The following GAREM1 variants were observed in gnomAD, a reference collection of about 807,000 sequenced individuals.
The protein encoded by GAREM1 is GRB2-associated and regulator of MAPK protein 1.
Under a neutral mutation model 71.3 loss-of-function variants are expected in GAREM1, and 26 were observed. The ratio of observed to expected loss-of-function variants is 0.36; its 90% CI spans 0.27 to 0.51. GAREM1 has a LOEUF of 0.51. Among genes scored for constraint, GAREM1 ranks in the 20% least tolerant of loss-of-function variants. The pLI is 0.95. For synonymous variants in GAREM1, 440 were observed against 433.2 expected, an observed-to-expected ratio of 1.02 and a Z score of -0.20; for missense variants, 1,026 against 1,103.1, an observed-to-expected ratio of 0.93 and a Z score of 0.99.
At chr18:32,311,224 T>C (rs2047318739) in intron 2 of GAREM1, among the ~76,000 whole-genome samples, 1 of 152,254 alleles carries the variant, frequency 6.6e-6, no homozygotes, top group African/African-American at 2.4e-5. Flanking sequence ...AGGGATACAG[T>C]GTTTCTTAGT....
intron 3 of GAREM1, among the ~76,000 whole-genome samples, chr18:32,294,622 T>C (rs2047122229): frequency 1.3e-5 from 2 of 152,212 alleles, no homozygotes; most frequent in African/African-American, 4.8e-5. Context: ...TTTATTTCCC[T>C]TATTAGTATT....
At chr18:32,404,034 T>C (rs1206854392) in intron 1 of GAREM1, among the ~76,000 whole-genome samples, 1 of 152,220 alleles carries the variant, frequency 6.6e-6, no homozygotes, top group Non-Finnish European at 1.5e-5. Context: ...TTAGTCTTTA[T>C]TTAGAATATT....
In GAREM1 at chr18:32,457,220, A is replaced by AGT. The variant is rs1568018906; in HGVS notation, c.121+13087_121+13088insAC. Among the ~76,000 whole-genome samples the AGT allele has an allele frequency of 8.2e-5, 9 of 109,398 alleles. No individual in the cohort carries two copies. The South Asian group carries it at 1.0e-3, about 12-fold the overall frequency. The allele number at this position is 109,398 out of a possible 152,430, so 71.8% of individuals were successfully genotyped here. On this transcript the variant is annotated intron_variant, in intron 1 of 5. Transcript: ENST00000269209. ...TGTGTAGGGGGGGAGAGAGAGAGAG[A>AGT]GAGAGAGTGTGTGTGTGTGTGTGTG...
At chr18:32,359,872 G>A (rs1436641233) in intron 2 of GAREM1, among the ~76,000 whole-genome samples, 2 of 152,010 alleles carry the variant, frequency 1.3e-5, no homozygotes, top group Non-Finnish European at 2.9e-5. Flanking sequence ...GCTGCAGTGA[G>A]CTGTGATTGC....
intron 1 of GAREM1, among the ~76,000 whole-genome samples, chr18:32,417,681 T>C (rs2144692313): frequency 6.6e-6 from 1 of 151,986 alleles, no homozygotes; most frequent in East Asian, 1.9e-4. Context: ...AACAACTGAA[T>C]TCATGAAGAC....
intron 2 of GAREM1, among the ~76,000 whole-genome samples, chr18:32,387,634 T>C (rs764285387): frequency 6.6e-6 from 1 of 152,228 alleles, no homozygotes; most frequent in Admixed American, 6.5e-5. Flanking sequence ...TTATTTGGTA[T>C]ACCAAGAAAA....
At chr18:32,387,995 C>T (rs2048164400) in intron 2 of GAREM1, among the ~76,000 whole-genome samples, 1 of 152,072 alleles carries the variant, frequency 6.6e-6, no homozygotes, top group African/African-American at 2.4e-5. Flanking sequence ...GTAAGGGGTA[C>T]TACTTGGAAT....
chr18:32,433,947 T>C (rs773990221), intron 1 of GAREM1, among the ~76,000 whole-genome samples: 6 of 152,104 alleles, frequency 3.9e-5, no homozygotes, highest in Non-Finnish European at 7.4e-5. Context: ...CTAATATTTA[T>C]AGGGAAAGGC....
intron 4 of GAREM1, among the ~76,000 whole-genome samples, chr18:32,273,018 G>A (rs1433769408): frequency 1.3e-5 from 2 of 152,146 alleles, no homozygotes; most frequent in African/African-American, 4.8e-5. Context: ...CTTTCTTAGG[G>A]AATATCTATA....
chr18:32,332,117 C>T (rs1218454083), intron 2 of GAREM1, among the ~76,000 whole-genome samples: 1 of 151,692 alleles, frequency 6.6e-6, no homozygotes, highest in Non-Finnish European at 1.5e-5. Context: ...TTTATCCTCC[C>T]TTTTTGGAGT....
At chr18:32,293,071 G>A (rs1199562730) in intron 3 of GAREM1, among the ~76,000 whole-genome samples, 1 of 152,010 alleles carries the variant, frequency 6.6e-6, no homozygotes, top group African/African-American at 2.4e-5. Context: ...TTGGGGTTTG[G>A]ATTGAAATTA....
intron 1 of GAREM1, among the ~76,000 whole-genome samples, chr18:32,454,271 C>T (rs1292744601): frequency 3.3e-5 from 5 of 152,020 alleles, no homozygotes; most frequent in Non-Finnish European, 5.9e-5. Context: ...ACAATTCATA[C>T]AATTTAGAAT....
intron 1 of GAREM1, among the ~76,000 whole-genome samples, chr18:32,431,714 G>T (rs1004858636): frequency 3.3e-5 from 5 of 152,102 alleles, no homozygotes; most frequent in African/African-American, 1.2e-4. Flanking sequence ...AAAAATGTCA[G>T]CAAATACCAA....
At chr18:32,435,044 T>G (rs1441409079) in intron 1 of GAREM1, among the ~76,000 whole-genome samples, 1 of 152,112 alleles carries the variant, frequency 6.6e-6, no homozygotes, top group Non-Finnish European at 1.5e-5. Flanking sequence ...CTCTCAGATC[T>G]TTCCCAATAA....
At chr18:32,352,197 C>T (rs947645065) in intron 2 of GAREM1, among the ~76,000 whole-genome samples, 1 of 152,096 alleles carries the variant, frequency 6.6e-6, no homozygotes, top group African/African-American at 2.4e-5. Flanking sequence ...GTCAGTTCTG[C>T]AAAATTTTAA....
chr18:32,310,644 G>A (rs987734583), intron 2 of GAREM1, among the ~76,000 whole-genome samples: 5 of 152,092 alleles, frequency 3.3e-5, no homozygotes, highest in African/African-American at 1.2e-4. Flanking sequence ...ATAAATGGTT[G>A]TTTTTAACAG....
chr18:32,292,400 A>G (rs2047096407), intron 3 of GAREM1, among the ~76,000 whole-genome samples: 1 of 152,194 alleles, frequency 6.6e-6, no homozygotes, highest in Admixed American at 6.5e-5. Flanking sequence ...CAAATGCAAA[A>G]TCCAACTGTT....
intron 1 of GAREM1, among the ~76,000 whole-genome samples, chr18:32,453,285 CAT>C (rs1442936073): frequency 2.6e-5 from 4 of 152,238 alleles, no homozygotes; most frequent in South Asian, 2.1e-4. Context: ...CCTCCCATAA[CAT>C]GTGGGAATTA....
intron 1 of GAREM1, among the ~76,000 whole-genome samples, chr18:32,419,976 A>C (rs1366259189): frequency 1.3e-5 from 2 of 152,182 alleles, no homozygotes; most frequent in Non-Finnish European, 2.9e-5. Flanking sequence ...TGGAAGAGCC[A>C]CGTAACAGTA....
Sources: gnomAD v4.1 joint callset for allele counts (sites outside exome capture counted in the v4.1 genomes callset) on GRCh38, gnomAD v4.1.1 for gene constraint, MANE v1.5 for transcripts, NCBI Gene and HGNC (gene_info 2026-07-23, HGNC 2026-07-21) for gene names.